RAB3C: variants seen among roughly 807,000 people sequenced by gnomAD.
RAB3C encodes the protein ras-related protein Rab-3C.
A neutral mutation model predicts 26.4 loss-of-function variants in RAB3C; 17 were observed. That is an observed-to-expected ratio of 0.64 (90% CI 0.44 to 0.97). The LOEUF (loss-of-function observed/expected upper bound fraction) is 0.97. Ranked by LOEUF, RAB3C falls within the 50% of genes least tolerant of loss-of-function variation. The pLI, the probability that RAB3C is intolerant of heterozygous loss-of-function variation, is 0.00. For missense variants in RAB3C, 242 were observed against 281.9 expected (o/e 0.86, Z 1.01); for synonymous variants, 91 against 95.9 (o/e 0.95, Z 0.30).
chr5:58,743,073 A>T (rs544962997), intron 3 of RAB3C, among the ~76,000 whole-genome samples: 1 of 152,286 alleles, frequency 6.6e-6, no homozygotes, highest in South Asian at 2.1e-4. Context: ...TTTGCCTCAA[A>T]GTTAGAGAAA....
chr5:58,840,412 G>T (rs887974178), intron 4 of RAB3C, among the ~76,000 whole-genome samples: 1 of 152,082 alleles, frequency 6.6e-6, no homozygotes, highest in East Asian at 1.9e-4. Flanking sequence ...ATATTCTCTT[G>T]TATCTCAGTT....
At chr5:58,848,238 A>G (rs1184464564) in intron 4 of RAB3C, among the ~76,000 whole-genome samples, 5 of 152,258 alleles carry the variant, frequency 3.3e-5, no homozygotes, top group Non-Finnish European at 7.3e-5. Context: ...AATCTTGAGC[A>G]GTGTAAGATA....
At chr5:58,782,868 A>T (rs1366156694) in intron 3 of RAB3C, among the ~76,000 whole-genome samples, 1 of 152,032 alleles carries the variant, frequency 6.6e-6, no homozygotes, top group African/African-American at 2.4e-5. Context: ...GACCACATTT[A>T]CCTTTCAGAT....
At chr5:58,686,569 A>G (rs947340678) in intron 2 of RAB3C, among the ~76,000 whole-genome samples, 1 of 151,990 alleles carries the variant, frequency 6.6e-6, no homozygotes, top group African/African-American at 2.4e-5. Context: ...GCTATGACTG[A>G]TTATGGCTTG....
At chr5:58,600,056 C>T (rs1746416722) in intron 1 of RAB3C, among the ~76,000 whole-genome samples, 1 of 152,116 alleles carries the variant, frequency 6.6e-6, no homozygotes, top group Admixed American at 6.6e-5. Flanking sequence ...CAGTTTCATT[C>T]TCCTACATGT....
chr5:58,814,710 G>A (rs1163997956), intron 3 of RAB3C: 2 of 152,126 alleles, frequency 1.3e-5, no homozygotes, highest in African/African-American at 4.8e-5. Flanking sequence ...CCAGAAGGGT[G>A]GTCCTTGCTT....
At chr5:58,703,546 G>A (rs1748890033) in intron 2 of RAB3C, among the ~76,000 whole-genome samples, 1 of 152,078 alleles carries the variant, frequency 6.6e-6, no homozygotes, top group Non-Finnish European at 1.5e-5. Flanking sequence ...TTATTATTGT[G>A]CCTTAATACC....
intron 3 of RAB3C, among the ~76,000 whole-genome samples, chr5:58,782,851 G>A (rs1742300687): frequency 6.6e-6 from 1 of 152,098 alleles, no homozygotes; most frequent in Non-Finnish European, 1.5e-5. Context: ...CAAGAGCCAG[G>A]ATCTAGGACC....
At chr5:58,842,187 A>G (rs1029275376) in intron 4 of RAB3C, among the ~76,000 whole-genome samples, 2 of 152,154 alleles carry the variant, frequency 1.3e-5, no homozygotes, top group East Asian at 3.9e-4. Flanking sequence ...TTTATCATTT[A>G]TTAGACTACT....
At chr5:58,727,359 A>G (rs1414658698) in intron 3 of RAB3C, among the ~76,000 whole-genome samples, 1 of 152,046 alleles carries the variant, frequency 6.6e-6, no homozygotes, top group Non-Finnish European at 1.5e-5. Flanking sequence ...GTTATAAACT[A>G]AAAAAGACAA....
chr5:58,740,382 T>G (rs908122003), intron 3 of RAB3C, among the ~76,000 whole-genome samples: 1 of 152,190 alleles, frequency 6.6e-6, no homozygotes, highest in Admixed American at 6.5e-5. Flanking sequence ...TCTTACGTCT[T>G]CAAAGCAGAC....
intron 1 of RAB3C, among the ~76,000 whole-genome samples, chr5:58,597,623 A>G (rs1490791706): frequency 2.2e-5 from 3 of 135,368 alleles, no homozygotes; most frequent in Admixed American, 8.1e-5. Context: ...TATATAGTTC[A>G]TTATATATAA....
rs147629938 is a variant in RAB3C at position 58,730,367 on chromosome 5, A to G, written c.371+4247A>G. Among the ~76,000 whole-genome samples, 441 of 152,196 alleles carry G rather than the reference A, an allele frequency of 2.9e-3. 2 individuals carry two copies. The highest frequency in any genetic ancestry group is 8.6e-3 in the African/African-American group (359 of 41,568). ...AGAAAAAAGCCCTTTGGGGAAAACCATTCCACTGTAGCTACTAAAGCCTAC... is the reference window on the plus strand; with the variant it reads ...AGAAAAAAGCCCTTTGGGGAAAACCGTTCCACTGTAGCTACTAAAGCCTAC... On this transcript the variant is annotated intron_variant, in intron 3 of 4. Coordinates refer to ENST00000282878, the MANE Select transcript of RAB3C (RefSeq NM_138453.4).
chr5:58,814,986 G>A (rs1387709651), intron 3 of RAB3C, among the ~76,000 whole-genome samples: 5 of 152,078 alleles, frequency 3.3e-5, no homozygotes. Flanking sequence ...CTGGCTCTCT[G>A]CAACAGACTT....
At chr5:58,663,779 A>C (rs1747950133) in intron 2 of RAB3C, among the ~76,000 whole-genome samples, 1 of 151,330 alleles carries the variant, frequency 6.6e-6, no homozygotes, top group Admixed American at 6.6e-5. Context: ...AAAACAAACA[A>C]AAAACGGCAA....
At chr5:58,621,436 G>A (rs555424818) in intron 2 of RAB3C, among the ~76,000 whole-genome samples, 1 of 152,280 alleles carries the variant, frequency 6.6e-6, no homozygotes, top group South Asian at 2.1e-4. Context: ...GGCTAGTCTG[G>A]TTTCTACTAC....
At chr5:58,754,240 C>G (rs1475079981) in intron 3 of RAB3C, among the ~76,000 whole-genome samples, 2 of 152,144 alleles carry the variant, frequency 1.3e-5, no homozygotes, top group African/African-American at 4.8e-5. Flanking sequence ...AATTATTATA[C>G]TGCCTATGTC....
At chr5:58,709,502 C>T (rs1749014510) in intron 2 of RAB3C, among the ~76,000 whole-genome samples, 1 of 152,172 alleles carries the variant, frequency 6.6e-6, no homozygotes, top group Admixed American at 6.5e-5. Flanking sequence ...CCAATAAATT[C>T]CAGTTCTGTT....
At chr5:58,645,749 G>A (rs547852709) in intron 2 of RAB3C, among the ~76,000 whole-genome samples, 1 of 152,274 alleles carries the variant, frequency 6.6e-6, no homozygotes, top group Admixed American at 6.5e-5. Flanking sequence ...TGAGCCCTGA[G>A]GTCAAGAACG....
Sources: allele counts gnomAD v4.1 joint callset (sites outside exome capture counted in the v4.1 genomes callset), GRCh38; gene constraint gnomAD v4.1.1; transcripts MANE v1.5; gene names NCBI Gene and HGNC (gene_info 2026-07-23, HGNC 2026-07-21).